The following PTPRD variants were observed in gnomAD, a reference collection of about 807,000 sequenced individuals.
PTPRD encodes the protein receptor-type tyrosine-protein phosphatase delta.
Under a neutral mutation model 214.5 loss-of-function variants are expected in PTPRD, and 34 were observed. That is an observed-to-expected ratio of 0.16 (90% CI 0.12 to 0.21). PTPRD has a LOEUF of 0.21. Among genes scored for constraint, PTPRD ranks in the 10% least tolerant of loss-of-function variants. PTPRD has a pLI of 1.00. For missense variants in PTPRD, 2,545 were observed against 2,398.7 expected (o/e 1.06, Z -1.27); for synonymous variants, 1,128 against 845.7 (o/e 1.33, Z -5.79).
chr9:9,306,786 C>G (rs1957295748), intron 9 of PTPRD, among the ~76,000 whole-genome samples: 1 of 152,026 alleles, frequency 6.6e-6, no homozygotes, highest in Non-Finnish European at 1.5e-5. Flanking sequence ...ACTTTGTTAG[C>G]ATTGAGAGTA....
At chr9:8,608,649 G>A (rs1456840559) in intron 14 of PTPRD, among the ~76,000 whole-genome samples, 3 of 152,076 alleles carry the variant, frequency 2.0e-5, no homozygotes, top group Non-Finnish European at 2.9e-5. Flanking sequence ...CCAGAATACT[G>A]GAAAATCACG....
At position 9,947,435 on chromosome 9, in the gene PTPRD, AT is replaced by A. The variant is rs1456744157; in HGVS notation, c.-471-8826del. 1.3e-4 allele frequency among the ~76,000 whole-genome samples: 4 copies of A among 31,280 alleles called. No individual in the cohort carries two copies. The African/African-American group carries it at 1.3e-3, about 10-fold the overall frequency. The allele number at this position is 31,280 out of a possible 152,430, so 20.5% of individuals were successfully genotyped here. A position where few individuals can be genotyped will look rare whatever the true frequency, so the allele number is the denominator to read the frequency against. On this transcript the variant is annotated intron_variant, in intron 4 of 45. Transcript: ENST00000381196. Reference sequence around the variant, plus strand: ...TATTTTATATATATATTATATATATATTATATATTTTATATATTTTTATATA... The same window carrying A: ...TATTTTATATATATATTATATATATATATATATTTTATATATTTTTATATA...
At chr9:8,816,040 A>G (rs2096912540) in intron 11 of PTPRD, among the ~76,000 whole-genome samples, 1 of 152,204 alleles carries the variant, frequency 6.6e-6, no homozygotes, top group South Asian at 2.1e-4. Context: ...CTTAGGGTTT[A>G]CAGCAATTCC....
chr9:10,218,734 G>A (rs536802861), intron 3 of PTPRD, among the ~76,000 whole-genome samples: 118 of 151,822 alleles, frequency 7.8e-4, no homozygotes, highest in Non-Finnish European at 1.5e-3. Flanking sequence ...AAATGCACTG[G>A]ATATTTATAA....
chr9:10,277,361 A>G (rs1373809127), intron 3 of PTPRD, among the ~76,000 whole-genome samples: 3 of 152,140 alleles, frequency 2.0e-5, no homozygotes, highest in Non-Finnish European at 2.9e-5. Flanking sequence ...ATAATCTTCC[A>G]TCAAAATTTG....
intron 14 of PTPRD, among the ~76,000 whole-genome samples, chr9:8,603,793 A>G (rs918909901): frequency 6.6e-6 from 1 of 152,224 alleles, no homozygotes; most frequent in East Asian, 1.9e-4. Flanking sequence ...GAGGAAACAA[A>G]CAATTATACA....
chr9:8,331,861 C>G, intron 43 of PTPRD, 125 bp from the exon 44 acceptor site: 1 of 1,167,642 alleles, frequency 8.6e-7, no homozygotes, highest in Non-Finnish European at 1.2e-6. Context: ...AAGTTAGGAA[C>G]ATGTTTAAAT....
At chr9:9,831,316 G>T (rs1328450578) in intron 5 of PTPRD, among the ~76,000 whole-genome samples, 2 of 151,884 alleles carry the variant, frequency 1.3e-5, no homozygotes, top group Admixed American at 1.3e-4. Flanking sequence ...TTTAGCCTCA[G>T]GCTGAGGTAA....
At chr9:10,366,739 C>G (rs186417805) in intron 2 of PTPRD, among the ~76,000 whole-genome samples, 140 of 152,260 alleles carry the variant, frequency 9.2e-4, no homozygotes, top group Non-Finnish European at 1.8e-3. Context: ...CACAACCTAT[C>G]TTGTTCATAT....
chr9:8,768,622 A>G (rs2094948195), intron 11 of PTPRD, among the ~76,000 whole-genome samples: 1 of 152,310 alleles, frequency 6.6e-6, no homozygotes, highest in African/African-American at 2.4e-5. Flanking sequence ...AATGACACCC[A>G]GCTAAAAAGT....
chr9:8,919,736 C>T (rs1322282086), intron 11 of PTPRD, among the ~76,000 whole-genome samples: 1 of 151,182 alleles, frequency 6.6e-6, no homozygotes, highest in East Asian at 1.9e-4. Flanking sequence ...TGCATGCACA[C>T]ACATACATGT....
intron 5 of PTPRD, among the ~76,000 whole-genome samples, chr9:9,907,646 G>A (rs951517514): frequency 4.0e-5 from 6 of 151,790 alleles, no homozygotes; most frequent in African/African-American, 1.5e-4. Flanking sequence ...TTGGGGATTA[G>A]GGCTTCAACA....
chr9:9,141,653 C>G (rs2099860614), intron 10 of PTPRD, among the ~76,000 whole-genome samples: 1 of 151,250 alleles, frequency 6.6e-6, no homozygotes, highest in African/African-American at 2.4e-5. Context: ...ATCCCTTTCA[C>G]ACCAACACCC....
At position 9,225,911 on chromosome 9, in the gene PTPRD, T is replaced by A. The variant is rs1460650223; in HGVS notation, c.-202-42548A>T. 2.0e-5 allele frequency among the ~76,000 whole-genome samples: 3 copies of A among 152,022 alleles called. No individual in the cohort carries two copies. The East Asian group carries it at 5.8e-4, about 29-fold the overall frequency. ...GACTTGCCATGTTAAAGAGTATGAA[T>A]ACCTCCTCTTCTTCACAAGCCCAGA... is the stretch of plus-strand genomic sequence containing the variant. On this transcript the variant is annotated intron_variant, in intron 9 of 45. Transcript: ENST00000381196.
intron 14 of PTPRD, among the ~76,000 whole-genome samples, chr9:8,583,516 T>C (rs1211306299): frequency 6.6e-6 from 1 of 152,142 alleles, no homozygotes; most frequent in East Asian, 1.9e-4. Flanking sequence ...AGAAACATAA[T>C]CTTGAACAAA....
At chr9:8,774,555 A>G (rs2095387790) in intron 11 of PTPRD, among the ~76,000 whole-genome samples, 1 of 97,568 alleles carries the variant, frequency 1.0e-5, no homozygotes, top group African/African-American at 4.4e-5. Context: ...TTTTTTTGAA[A>G]CGGAGTTTTG....
At chr9:10,550,407 C>G (rs1406205593) in intron 2 of PTPRD, among the ~76,000 whole-genome samples, 1 of 152,060 alleles carries the variant, frequency 6.6e-6, no homozygotes, top group Non-Finnish European at 1.5e-5. Flanking sequence ...TGAAGTTAGT[C>G]TAGGATTTAA....
chr9:8,473,174 C>A (rs2096690381), intron 30 of PTPRD, among the ~76,000 whole-genome samples: 1 of 152,130 alleles, frequency 6.6e-6, no homozygotes, highest in Non-Finnish European at 1.5e-5. Flanking sequence ...GACAACTATA[C>A]CACAATGCTT....
At chr9:8,321,390 A>ATAAGT (rs1464819499) in intron 44 of PTPRD, among the ~76,000 whole-genome samples, 1 of 150,104 alleles carries the variant, frequency 6.7e-6, no homozygotes, top group African/African-American at 2.4e-5. Flanking sequence ...TCTTACTTTA[A>ATAAGT]TAAGTTATAA....
Sources: allele counts gnomAD v4.1 joint callset (sites outside exome capture counted in the v4.1 genomes callset), GRCh38; gene constraint gnomAD v4.1.1; transcripts MANE v1.5; gene names NCBI Gene and HGNC (gene_info 2026-07-23, HGNC 2026-07-21).